The following BLTP1 variants were observed in gnomAD, a reference collection of about 807,000 sequenced individuals.
BLTP1 encodes bridge-like lipid transfer protein family member 1.
the BLTP1 span, among the ~76,000 whole-genome samples, chr4:122,332,032 C>A: frequency 6.6e-6 from 1 of 151,836 alleles, no homozygotes; most frequent in Non-Finnish European, 1.5e-5. Flanking sequence ...ATGATATAAA[C>A]AGGATTAACA....
At chr4:122,220,510 AT>A in the BLTP1 span, 1 of 1,501,142 alleles carries the variant, frequency 6.7e-7, no homozygotes, top group Non-Finnish European at 9.2e-7. Context: ...ATAGAGATTT[AT>A]TATTAATATT....
the BLTP1 span, chr4:122,356,878 A>G: frequency 1.4e-6 from 2 of 1,454,494 alleles, no homozygotes; most frequent in South Asian, 2.9e-5. Context: ...TGAAGATATC[A>G]GTAAATAGCG....
the BLTP1 span, chr4:122,305,393 A>G: frequency 7.4e-6 from 7 of 951,720 alleles, no homozygotes; most frequent in East Asian, 1.2e-4. Context: ...TAGATTCTCT[A>G]TTTTATAAAA....
At chr4:122,238,389 A>T in the BLTP1 span, 1 of 1,550,370 alleles carries the variant, frequency 6.5e-7, no homozygotes, top group Non-Finnish European at 8.9e-7. Flanking sequence ...GATCATAAAT[A>T]GGATTATAAT....
chr4:122,247,997 G>T, the BLTP1 span: 1 of 985,040 alleles, frequency 1.0e-6, no homozygotes, highest in African/African-American at 1.7e-5. Context: ...ATGTGGGACT[G>T]GTGACCAATT....
chr4:122,268,536 G>C, the BLTP1 span, among the ~76,000 whole-genome samples: 2 of 151,880 alleles, frequency 1.3e-5, no homozygotes, highest in Non-Finnish European at 2.9e-5. Flanking sequence ...CAATAATTTT[G>C]CCTCCACTGA....
At chr4:122,301,276 G>A in the BLTP1 span, 1 of 1,524,428 alleles carries the variant, frequency 6.6e-7, no homozygotes, top group Non-Finnish European at 8.8e-7. Context: ...AAAAAAAATT[G>A]TCCCGAACTC....
At chr4:122,269,628 T>C in the BLTP1 span, 3 of 985,270 alleles carry the variant, frequency 3.0e-6, no homozygotes, top group Non-Finnish European at 3.6e-6. Flanking sequence ...TCTGGGTTTT[T>C]TGTTTGTTTT....
chr4:122,175,924 C>T, the BLTP1 span: 1 of 1,228,282 alleles, frequency 8.1e-7, no homozygotes, highest in Non-Finnish European at 1.2e-6. Flanking sequence ...GGTGAGTTTT[C>T]ATTTTTTATG....
the BLTP1 span, chr4:122,153,090 G>T: frequency 1.1e-6 from 1 of 946,194 alleles, no homozygotes; most frequent in Non-Finnish European, 1.3e-6. Context: ...CGTTTCAGCA[G>T]AATTTCCTAT....
chr4:122,234,941 A>G, the BLTP1 span: 6 of 1,613,982 alleles, frequency 3.7e-6, no homozygotes, highest in Non-Finnish European at 5.1e-6. Flanking sequence ...GCACAAGTGC[A>G]GAGTCTGATA....
the BLTP1 span, chr4:122,264,432 G>A: frequency 6.3e-7 from 1 of 1,593,706 alleles, no homozygotes; most frequent in South Asian, 1.2e-5. Context: ...GCACAGGTGA[G>A]CCAGCCTGCT....
At chr4:122,230,012 C>T in the BLTP1 span, 1 of 1,614,146 alleles carries the variant, frequency 6.2e-7, no homozygotes, top group Non-Finnish European at 8.5e-7. Context: ...TCAGGATTTT[C>T]AAGTGAGACA....
the BLTP1 span, chr4:122,276,388 G>A: frequency 1.1e-6 from 1 of 895,868 alleles, no homozygotes; most frequent in Non-Finnish European, 1.3e-6. Context: ...ACTAATTGTA[G>A]AAATAATTAT....
At chr4:122,205,783 CAT>C in the BLTP1 span, 19 of 86,186 alleles carry the variant, frequency 2.2e-4, no homozygotes, top group Admixed American at 7.5e-4. Flanking sequence ...TTCTCTGTCA[CAT>C]ACACACACAC....
chr4:122,172,492 T>C, the BLTP1 span: 1 of 234,790 alleles, frequency 4.3e-6, no homozygotes, highest in African/African-American at 2.3e-5. Context: ...TAACTTATTG[T>C]CTTACCCATC....
the BLTP1 span, chr4:122,281,674 A>C: frequency 6.2e-7 from 1 of 1,613,400 alleles, no homozygotes; most frequent in Non-Finnish European, 8.5e-7. Flanking sequence ...TTGTTCTTAA[A>C]TTCAGTGCCA....
the BLTP1 span, chr4:122,306,460 C>G: frequency 1.6e-6 from 1 of 613,596 alleles, no homozygotes; most frequent in South Asian, 7.3e-5. Context: ...GAAAAGAAAA[C>G]AAAGTAGACT....
chr4:122,172,365 CT>C, the BLTP1 span: 1 of 693,260 alleles, frequency 1.4e-6, no homozygotes, highest in Non-Finnish European at 1.8e-6. Flanking sequence ...CCTGTTTTGC[CT>C]TTTGTATATT....
Sources: allele counts gnomAD v4.1 joint callset (sites outside exome capture counted in the v4.1 genomes callset), GRCh38; gene constraint gnomAD v4.1.1; transcripts MANE v1.5; gene names NCBI Gene and HGNC (gene_info 2026-07-23, HGNC 2026-07-21).